MPI: variants seen among roughly 807,000 people sequenced by gnomAD.
MPI encodes mannose-6-phosphate isomerase.
MPI carries 33 observed loss-of-function variants against 40.1 expected under a neutral mutation model. The ratio of observed to expected loss-of-function variants is 0.82; its 90% CI spans 0.62 to 1.10. The LOEUF (loss-of-function observed/expected upper bound fraction) is 1.10. MPI is among the 50% of genes least tolerant of loss of function. MPI has a pLI of 0.00. For synonymous variants in MPI, 187 were observed against 207.4 expected, an observed-to-expected ratio of 0.90 and a Z score of 0.85; for missense variants, 514 against 524.1, an observed-to-expected ratio of 0.98 and a Z score of 0.19.
rs757168691 is a variant in MPI at position 74,891,400 on chromosome 15, C to A, written c.166C>A (p.Arg56=). ...YAELWMGTHP[R]GDAKILDNRI... The stretch of plus-strand genomic sequence containing the variant: ...CCAGTTGTGGATGGGGACTCACCCC[C>A]GAGGGGATGCCAAGATCCTTGACAA... The change falls in exon 3 of 8, where the codon CGA becomes AGA. Residue 56 remains arginine (R), a synonymous_variant. Transcript: ENST00000352410. The A allele has an allele frequency of 9.3e-6, 15 of 1,614,128 alleles. No homozygotes were observed. The highest frequency in any genetic ancestry group is 1.7e-5 in the Admixed American group (1 of 60,018).
rs1288608509 is a variant in MPI at position 74,898,513 on chromosome 15, G to A, written c.*783G>A. On this transcript the variant is annotated 3_prime_UTR_variant, in exon 8 of 8. Transcript: ENST00000352410. ...GACTCAAAGGATACACCAGTCACCA[G>A]TGCAAGACTCTTCGCTCCTGTTTTT... The A allele has an allele frequency of 6.6e-6, 1 of 151,842 alleles. No homozygotes were observed. The highest frequency in any genetic ancestry group is 1.9e-4 in the East Asian group (1 of 5,172). The allele number at this position is 151,842 out of a possible 1,614,324, so 9.4% of individuals were successfully genotyped here.
intron 2 of MPI, chr15:74,890,901 C>A (rs2064716047): frequency 4.6e-6 from 3 of 653,018 alleles, no homozygotes; most frequent in Non-Finnish European, 8.3e-6. Context: ...ATTCAGCCCT[C>A]TTTGACAATT....
At chr15:74,894,038 CAGTGTGTGTGTGTGTGTG>C (rs2064767744) in intron 5 of MPI, among the ~76,000 whole-genome samples, 1 of 66,842 alleles carries the variant, frequency 1.5e-5, no homozygotes, top group African/African-American at 3.5e-5. Context: ...TTTTTCTGTT[CAGTGTGTGTGTGTGTGTG>C]TGTGTGTGTG....
chr15:74,894,033 CTGTTCA>C (rs1186036584), intron 5 of MPI, among the ~76,000 whole-genome samples: 1 of 91,182 alleles, frequency 1.1e-5, no homozygotes, highest in Admixed American at 1.3e-4. Flanking sequence ...ATATTTTTTT[CTGTTCA>C]GTGTGTGTGT....
intron 1 of MPI, 160 bp from the exon 2 acceptor site, chr15:74,890,367 A>C: frequency 1.0e-6 from 1 of 968,206 alleles, no homozygotes; most frequent in Non-Finnish European, 1.6e-6. Context: ...ACAGTTGGGA[A>C]CATCGAGGCC....
chr15:74,890,047 T>C lies in MPI; in HGVS notation c.-27T>C, dbSNP rs370550647. The C allele has an allele frequency of 1.2e-5, 20 of 1,604,776 alleles. No individual in the cohort carries two copies. The African/African-American group carries it at 2.3e-4, about 18-fold the overall frequency. On this transcript the variant is annotated 5_prime_UTR_variant, in exon 1 of 8. Coordinates refer to ENST00000352410, the MANE Select transcript of MPI (RefSeq NM_002435.3). ...CGGGGGCTGCCGGGAAAGGCATACG[T>C]GCTTAATCCTGGTGCAGGGGGCGAG...
chr15:74,892,664 C>G lies in MPI; in HGVS notation c.349C>G (p.Leu117Val), dbSNP rs377074383. The G allele has an allele frequency of 6.2e-7, 1 of 1,614,168 alleles. No individual in the cohort carries two copies. The highest frequency in any genetic ancestry group is 8.5e-7 in the Non-Finnish European group (1 of 1,180,038). Residue 117 changes from leucine (L) to valine (V), a missense_variant, in exon 4 of 8, where the codon CTG becomes GTG. By Grantham distance (32) the Leu-to-Val change is conservative. Transcript: ENST00000352410. ...TCTTCCCCTGGCCACCCCACAGGAGCTGGCAGAGAAGCTGCACCTCCAGGC... is the reference window on the plus strand; with the variant it reads ...TCTTCCCCTGGCCACCCCACAGGAGGTGGCAGAGAAGCTGCACCTCCAGGC... ...LSIQAHPNKE[L>V]AEKLHLQAPQ...
In MPI at chr15:74,898,375, C is replaced by A. The variant is rs572840068; in HGVS notation, c.*645C>A. On this transcript the variant is annotated 3_prime_UTR_variant, in exon 8 of 8. Coordinates refer to ENST00000352410, the MANE Select transcript of MPI (RefSeq NM_002435.3). ...GTGAGCAGGCTACACTCCAGAACACCGGTATGGGAAGGAGTGGGAGAGGAA... is the reference window on the plus strand; with the variant it reads ...GTGAGCAGGCTACACTCCAGAACACAGGTATGGGAAGGAGTGGGAGAGGAA... The A allele has an allele frequency of 5.9e-6, 1 of 169,920 alleles. No individual in the cohort carries two copies. The highest frequency in any genetic ancestry group is 1.3e-5 in the Non-Finnish European group (1 of 76,776). The allele number at this position is 169,920 out of a possible 1,614,324, so 10.5% of individuals were successfully genotyped here.
At chr15:74,896,085 C>T in intron 5 of MPI, 67 bp from the exon 6 acceptor site, 1 of 1,587,998 alleles carries the variant, frequency 6.3e-7, no homozygotes, top group South Asian at 1.1e-5. Flanking sequence ...ACTCCCTGGC[C>T]AATGTGGGGC....
intron 1 of MPI, 87 bp downstream of exon 1, chr15:74,890,176 G>A (rs1383773438): frequency 1.2e-5 from 18 of 1,556,272 alleles, no homozygotes; most frequent in Non-Finnish European, 1.5e-5. Flanking sequence ...GGTTGAGTCC[G>A]CTCCTGGCAT....
At chr15:74,893,987 C>G (rs2064765253) in intron 5 of MPI, among the ~76,000 whole-genome samples, 1 of 150,190 alleles carries the variant, frequency 6.7e-6, no homozygotes, top group South Asian at 2.1e-4. Context: ...TTCCCATTAC[C>G]TTTGAGCCTT....
At chr15:74,890,859 C>A in intron 2 of MPI, 2 of 690,748 alleles carry the variant, frequency 2.9e-6, no homozygotes, top group African/African-American at 1.8e-5. Flanking sequence ...ACTCTCCTTC[C>A]CCCAACCACT....
intron 3 of MPI, among the ~76,000 whole-genome samples, chr15:74,891,869 C>T (rs2064731718): frequency 1.3e-5 from 2 of 152,236 alleles, no homozygotes; most frequent in Admixed American, 6.5e-5. Flanking sequence ...TTCATATCTG[C>T]CATTTACTCA....
Position 74,890,085 on chromosome 15 carries a change from G to A in MPI, c.12G>A (p.Pro4=), listed in dbSNP as rs1283915396. 1 of 1,608,028 alleles carries A rather than the reference G, an allele frequency of 6.2e-7. No individual in the cohort carries two copies. The highest frequency in any genetic ancestry group is 8.5e-7 in the Non-Finnish European group (1 of 1,179,948). Residue 4 remains proline, a synonymous_variant, in exon 1 of 8, where the codon CCG becomes CCA. Coordinates refer to ENST00000352410, the MANE Select transcript of MPI (RefSeq NM_002435.3). ...TGCAGGGGGCGAGCATGGCCGCTCC[G>A]CGAGGTGAGCCATTGGCTGGGGTGT... MAA[P]RVFPLSCAVQ...
intron 5 of MPI, among the ~76,000 whole-genome samples, chr15:74,894,103 TGTGTGG>T (rs1342471604): frequency 4.4e-5 from 1 of 22,646 alleles, no homozygotes; most frequent in East Asian, 4.9e-3. Flanking sequence ...TGTGTGTGTG[TGTGTGG>T]TCTCTTTCTG....
rs897512112 is a variant in MPI, at chr15:74,902,167, T to C, written c.*4437T>C. On this transcript the variant is annotated 3_prime_UTR_variant, in exon 8 of 8. Coordinates refer to ENST00000352410, the MANE Select transcript of MPI (RefSeq NM_002435.3). ...GAGCAAACGGAATTTCTCGAACTGG[T>C]CTCAAACAGTTTCTTTTTTGGATTG... 7.5e-6 allele frequency: 3 copies of C among 398,626 alleles called. No individual in the cohort carries two copies. Among genetic ancestry groups the C allele is most frequent in the African/African-American group, 6.2e-5 (3 of 48,638 alleles). The allele number at this position is 398,626 out of a possible 1,614,324, so 24.7% of individuals were successfully genotyped here. A position where few individuals can be genotyped will look rare whatever the true frequency, so the allele number is the denominator to read the frequency against.
Position 74,897,502 on chromosome 15 carries a change from T to C in MPI, c.1054-10T>C, listed in dbSNP as rs933848260. On this transcript the variant is annotated splice_polypyrimidine_tract_variant and intron_variant, in intron 7 of 7. Coordinates refer to ENST00000352410, the MANE Select transcript of MPI (RefSeq NM_002435.3). ...TGAGCTGCACTGCCTTATCATTTCT[T>C]CCTGCCCAGGTCCCTGGCTCTGTCA... 1.9e-6 allele frequency: 3 copies of C among 1,613,534 alleles called. No individual in the cohort carries two copies. Among genetic ancestry groups the C allele is most frequent in the Non-Finnish European group, 2.5e-6 (3 of 1,179,640 alleles).
In MPI at chr15:74,890,511, C is replaced by T. The variant is rs1034984797; in HGVS notation, c.17-16C>T. The T allele has an allele frequency of 4.3e-6, 7 of 1,613,822 alleles. No individual in the cohort carries two copies. The highest frequency in any genetic ancestry group is 4.0e-5 in the African/African-American group (3 of 74,926). On this transcript the variant is annotated splice_polypyrimidine_tract_variant and intron_variant, in intron 1 of 7. Coordinates refer to ENST00000352410, the MANE Select transcript of MPI (RefSeq NM_002435.3). ...CTGAGGAGTGGAGTGGCAGCTGACC[C>T]TGTCTGTGCCCCTAGTATTCCCACT...
rs1384955106 is a variant in MPI, at chr15:74,894,038, CAGTG to C, written c.670+719_670+722del. Among the ~76,000 whole-genome samples, 213 of 66,834 alleles carry C rather than the reference CAGTG, an allele frequency of 3.2e-3. 15 individuals carry two copies. The highest frequency in any genetic ancestry group is 0.011 in the East Asian group (36 of 3,300). 43.8% of individuals were successfully genotyped at this position (66,834 alleles called of 152,430 possible). A position where few individuals can be genotyped will look rare whatever the true frequency, so the allele number is the denominator to read the frequency against. On this transcript the variant is annotated intron_variant, in intron 5 of 7. Coordinates refer to ENST00000352410, the MANE Select transcript of MPI (RefSeq NM_002435.3). The stretch of plus-strand genomic sequence containing the variant: ...TGACCCAAGCATATTTTTTTCTGTT[CAGTG>C]TGTGTGTGTGTGTGTGTGTGTGTGT...
Sources: gnomAD v4.1 joint callset for allele counts (sites outside exome capture counted in the v4.1 genomes callset) on GRCh38, gnomAD v4.1.1 for gene constraint, MANE v1.5 for transcripts, NCBI Gene and HGNC (gene_info 2026-07-23, HGNC 2026-07-21) for gene names.